INPP4B: variants seen among roughly 807,000 people sequenced by gnomAD.
INPP4B encodes inositol polyphosphate 4-phosphatase type II.
INPP4B carries 55 observed loss-of-function variants against 122.5 expected under a neutral mutation model. The observed-to-expected ratio is 0.45, with a 90% CI of 0.36 to 0.56. The LOEUF is 0.56. INPP4B is among the 20% of genes least tolerant of loss of function. The pLI is 0.00. For synonymous variants in INPP4B, 403 were observed against 388.7 expected (o/e 1.04, Z -0.43); for missense variants, 1,000 against 1,097.7 (o/e 0.91, Z 1.26).
chr4:142,372,583 C>G (rs1217604729), intron 7 of INPP4B, among the ~76,000 whole-genome samples: 4 of 151,954 alleles, frequency 2.6e-5, no homozygotes, highest in Non-Finnish European at 5.9e-5. Context: ...GCATTGGGTT[C>G]TACAATGGAA....
intron 17 of INPP4B, 27 bp from the exon 18 acceptor site, chr4:142,146,023 T>C: frequency 6.3e-7 from 1 of 1,587,328 alleles, no homozygotes; most frequent in Non-Finnish European, 8.6e-7. Flanking sequence ...TATCACTACA[T>C]ATTTTTGTCA....
At chr4:142,407,980 T>C (rs1484565419) in intron 5 of INPP4B, among the ~76,000 whole-genome samples, 1 of 152,180 alleles carries the variant, frequency 6.6e-6, no homozygotes, top group Non-Finnish European at 1.5e-5. Context: ...TGTAAAATTG[T>C]TTTTATTGAC....
intron 16 of INPP4B, among the ~76,000 whole-genome samples, chr4:142,163,314 G>A (rs183904315): frequency 4.6e-5 from 7 of 152,010 alleles, no homozygotes; most frequent in Admixed American, 3.3e-4. Flanking sequence ...GATTGTCTGG[G>A]ATATAAATCG....
intron 2 of INPP4B, among the ~76,000 whole-genome samples, chr4:142,665,417 C>G (rs1199582290): frequency 6.8e-6 from 1 of 147,498 alleles, no homozygotes; most frequent in African/African-American, 2.5e-5. Flanking sequence ...TGGCGTGAAC[C>G]TGGGAGGCAG....
At chr4:142,129,057 A>C (rs1274271683) in intron 18 of INPP4B, among the ~76,000 whole-genome samples, 1 of 152,218 alleles carries the variant, frequency 6.6e-6, no homozygotes, top group Admixed American at 6.5e-5. Context: ...AAGTAAAAAG[A>C]TTGCACATGC....
intron 2 of INPP4B, among the ~76,000 whole-genome samples, chr4:142,568,553 C>A (rs1190857068): frequency 6.6e-6 from 1 of 151,960 alleles, no homozygotes; most frequent in African/African-American, 2.4e-5. Flanking sequence ...ATCTAAGTAT[C>A]CAAAGAAGTT....
At chr4:142,029,716 A>G (rs890395365) in intron 25 of INPP4B, 2 of 989,792 alleles carry the variant, frequency 2.0e-6, no homozygotes, top group African/African-American at 3.5e-5. Flanking sequence ...ATATTAGCAC[A>G]GTGGAAATAA....
intron 7 of INPP4B, among the ~76,000 whole-genome samples, chr4:142,389,233 G>C (rs560916450): frequency 6.9e-6 from 1 of 144,360 alleles, no homozygotes; most frequent in Non-Finnish European, 1.5e-5. Flanking sequence ...CTGTGTGACA[G>C]AGCAAGACTC....
intron 2 of INPP4B, among the ~76,000 whole-genome samples, chr4:142,603,819 T>C (rs959019732): frequency 6.6e-6 from 1 of 151,984 alleles, no homozygotes; most frequent in African/African-American, 2.4e-5. Flanking sequence ...CTCCTCAAAC[T>C]ATTCCAAAAA....
At chr4:142,768,989 A>G (rs1772591957) in intron 1 of INPP4B, among the ~76,000 whole-genome samples, 1 of 152,202 alleles carries the variant, frequency 6.6e-6, no homozygotes. Context: ...ATTCTATTAC[A>G]ATAGCCCAAG....
chr4:142,481,362 T>C (rs1159990945), intron 2 of INPP4B, among the ~76,000 whole-genome samples: 3 of 151,862 alleles, frequency 2.0e-5, no homozygotes, highest in Admixed American at 1.3e-4. Context: ...AGGTAGAACA[T>C]AGGGTCCTAA....
At chr4:142,149,644 T>C (rs1187453066) in intron 17 of INPP4B, among the ~76,000 whole-genome samples, 1 of 152,206 alleles carries the variant, frequency 6.6e-6, no homozygotes, top group Non-Finnish European at 1.5e-5. Context: ...TTTAGTTATC[T>C]GAGACTTAAA....
chr4:142,391,636 G>A (rs1208054126), intron 7 of INPP4B, among the ~76,000 whole-genome samples: 2 of 152,124 alleles, frequency 1.3e-5, no homozygotes, highest in South Asian at 2.1e-4. Flanking sequence ...TCCTGGAGAA[G>A]GAGGATGGCC....
At chr4:142,234,255 T>C (rs545469311) in intron 12 of INPP4B, among the ~76,000 whole-genome samples, 1 of 152,314 alleles carries the variant, frequency 6.6e-6, no homozygotes, top group South Asian at 2.1e-4. Flanking sequence ...CACCTTTCTT[T>C]AGCATTTAGG....
At chr4:142,724,893 T>C (rs1028413771) in intron 2 of INPP4B, among the ~76,000 whole-genome samples, 2 of 152,076 alleles carry the variant, frequency 1.3e-5, no homozygotes, top group Non-Finnish European at 2.9e-5. Context: ...AGAAATTCAG[T>C]AATTTGTCAA....
chr4:142,557,935 G>C (rs1332212732), intron 2 of INPP4B, among the ~76,000 whole-genome samples: 3 of 152,100 alleles, frequency 2.0e-5, no homozygotes, highest in African/African-American at 7.2e-5. Flanking sequence ...GCCACAAAAC[G>C]AACTGTTCAA....
At chr4:142,420,248 TAGAA>T (rs1322366843) in intron 5 of INPP4B, among the ~76,000 whole-genome samples, 1 of 152,124 alleles carries the variant, frequency 6.6e-6, no homozygotes, top group Non-Finnish European at 1.5e-5. Flanking sequence ...ATGTATTACT[TAGAA>T]AGAAACATGA....
chr4:142,128,614 T>C (rs1352906051), intron 18 of INPP4B, among the ~76,000 whole-genome samples: 2 of 152,160 alleles, frequency 1.3e-5, no homozygotes, highest in African/African-American at 4.8e-5. Context: ...GAATCTTTCC[T>C]CGGGAAAACA....
At chr4:142,598,238 C>T (rs1388372948) in intron 2 of INPP4B, among the ~76,000 whole-genome samples, 1 of 152,112 alleles carries the variant, frequency 6.6e-6, no homozygotes, top group African/African-American at 2.4e-5. Context: ...GGTCCACATC[C>T]CCACTGCAGC....
Sources: allele counts gnomAD v4.1 joint callset (sites outside exome capture counted in the v4.1 genomes callset), GRCh38; gene constraint gnomAD v4.1.1; transcripts MANE v1.5; gene names NCBI Gene and HGNC (gene_info 2026-07-23, HGNC 2026-07-21).